ZNF385B: variants seen among roughly 807,000 people sequenced by gnomAD.
The protein encoded by ZNF385B is zinc finger protein 533.
Under a neutral mutation model 39.2 loss-of-function variants are expected in ZNF385B, and 23 were observed. That is an observed-to-expected ratio of 0.59 (90% CI 0.42 to 0.83). The LOEUF (loss-of-function observed/expected upper bound fraction) is 0.83. Ranked by LOEUF, ZNF385B falls within the 40% of genes least tolerant of loss-of-function variation. The pLI, the probability that ZNF385B is intolerant of heterozygous loss-of-function variation, is 0.00. For missense variants in ZNF385B, 552 were observed against 598.9 expected (o/e 0.92, Z 0.82); for synonymous variants, 205 against 222.6 (o/e 0.92, Z 0.70).
chr2:179,839,170 A>G (rs1013833932), intron 1 of ZNF385B, among the ~76,000 whole-genome samples: 4 of 152,194 alleles, frequency 2.6e-5, no homozygotes, highest in Non-Finnish European at 5.9e-5. Flanking sequence ...CCTATCCTTG[A>G]AAGCGTATTT....
At chr2:179,449,222 G>A (rs898383646) in intron 6 of ZNF385B, among the ~76,000 whole-genome samples, 2 of 152,096 alleles carry the variant, frequency 1.3e-5, no homozygotes, top group Non-Finnish European at 2.9e-5. Flanking sequence ...AGGCGTGAGA[G>A]CATAGAGCAG....
chr2:179,855,067 C>T (rs757559661), intron 1 of ZNF385B, among the ~76,000 whole-genome samples: 4 of 151,942 alleles, frequency 2.6e-5, no homozygotes, highest in Non-Finnish European at 4.4e-5. Context: ...CACAGAGCAC[C>T]TCTTTTATTT....
In ZNF385B at chr2:179,850,782, TGAGA is replaced by T. The variant is rs1197320171; in HGVS notation, c.-155+10315_-155+10318del. ...ACTTTCTCGTGCTTATAATAAGGCT[TGAGA>T]GAGAAGTAAAAGTGGGCTAGACCGA... is the stretch of plus-strand genomic sequence containing the variant. On this transcript the variant is annotated intron_variant, in intron 1 of 9. Coordinates refer to ENST00000410066, the MANE Select transcript of ZNF385B (RefSeq NM_152520.6). 1.3e-5 allele frequency among the ~76,000 whole-genome samples: 2 copies of T among 152,098 alleles called. 1 individual carries two copies. The highest frequency in any genetic ancestry group is 6.3e-3 in the Middle Eastern group (2 of 316).
At chr2:179,813,558 A>G (rs1192452349) in intron 1 of ZNF385B, among the ~76,000 whole-genome samples, 2 of 152,216 alleles carry the variant, frequency 1.3e-5, no homozygotes, top group African/African-American at 4.8e-5. Flanking sequence ...GGTAAAGGAT[A>G]AGCAGGGAAA....
At chr2:179,842,002 C>A (rs573375888) in intron 1 of ZNF385B, among the ~76,000 whole-genome samples, 2 of 152,304 alleles carry the variant, frequency 1.3e-5, no homozygotes, top group Non-Finnish European at 2.9e-5. Flanking sequence ...AGCCAGGCTG[C>A]CTACCTTTAA....
intron 1 of ZNF385B, among the ~76,000 whole-genome samples, chr2:179,773,515 T>G (rs1388091161): frequency 6.6e-6 from 1 of 152,154 alleles, no homozygotes; most frequent in Non-Finnish European, 1.5e-5. Context: ...CTCGCTCGAG[T>G]CTCTTCTCAC....
intron 3 of ZNF385B, among the ~76,000 whole-genome samples, chr2:179,566,786 C>T (rs1056114898): frequency 6.6e-6 from 1 of 152,128 alleles, no homozygotes; most frequent in Non-Finnish European, 1.5e-5. Context: ...GCTTCAGTTC[C>T]TTCATCCGAA....
intron 1 of ZNF385B, among the ~76,000 whole-genome samples, chr2:179,793,806 C>T (rs1705488595): frequency 6.6e-6 from 1 of 152,142 alleles, no homozygotes; most frequent in South Asian, 2.1e-4. Flanking sequence ...GAAAAGATAA[C>T]AGAAATACTG....
At chr2:179,819,868 T>C (rs545803200) in intron 1 of ZNF385B, among the ~76,000 whole-genome samples, 1 of 152,318 alleles carries the variant, frequency 6.6e-6, no homozygotes, top group Admixed American at 6.5e-5. Flanking sequence ...TATACGATTG[T>C]ATTATACTTT....
At chr2:179,822,614 C>T (rs529637445) in intron 1 of ZNF385B, among the ~76,000 whole-genome samples, 3 of 152,222 alleles carry the variant, frequency 2.0e-5, no homozygotes, top group Non-Finnish European at 2.9e-5. Flanking sequence ...AAGACCCTCC[C>T]TAGACTTTTG....
At chr2:179,815,915 T>G (rs1281357832) in intron 1 of ZNF385B, among the ~76,000 whole-genome samples, 1 of 152,172 alleles carries the variant, frequency 6.6e-6, no homozygotes, top group Non-Finnish European at 1.5e-5. Context: ...AGGGTCAGTC[T>G]TTGTGCCTCT....
intron 3 of ZNF385B, among the ~76,000 whole-genome samples, chr2:179,755,289 C>T (rs1266425577): frequency 4.6e-5 from 7 of 152,330 alleles, no homozygotes; most frequent in Admixed American, 4.6e-4. Flanking sequence ...GCACTGTGGT[C>T]TGAGAGACAG....
intron 1 of ZNF385B, among the ~76,000 whole-genome samples, chr2:179,829,888 A>C (rs973814150): frequency 8.5e-5 from 13 of 152,256 alleles, no homozygotes; most frequent in Non-Finnish European, 1.5e-4. Context: ...AACTTAACTG[A>C]AATTTAAAAC....
chr2:179,751,881 T>C (rs796968511), intron 3 of ZNF385B, among the ~76,000 whole-genome samples: 2 of 152,120 alleles, frequency 1.3e-5, no homozygotes, highest in Non-Finnish European at 2.9e-5. Flanking sequence ...CTTTAAAATC[T>C]ACTCAAGCTC....
At chr2:179,763,200 G>A (rs1703502856) in intron 3 of ZNF385B, among the ~76,000 whole-genome samples, 1 of 152,072 alleles carries the variant, frequency 6.6e-6, no homozygotes, top group Non-Finnish European at 1.5e-5. Flanking sequence ...TGCCACACCT[G>A]GCCCAGATAG....
At chr2:179,670,611 A>C (rs755279646) in intron 3 of ZNF385B, among the ~76,000 whole-genome samples, 5 of 152,208 alleles carry the variant, frequency 3.3e-5, no homozygotes, top group Non-Finnish European at 5.9e-5. Flanking sequence ...TAACTGGCAA[A>C]AGTTCTGAAA....
chr2:179,640,757 A>G (rs966088151), intron 3 of ZNF385B, among the ~76,000 whole-genome samples: 3 of 152,172 alleles, frequency 2.0e-5, no homozygotes, highest in African/African-American at 7.2e-5. Context: ...GTTTGGTATT[A>G]CACTTGGTTA....
At chr2:179,624,940 G>T (rs1250025157) in intron 3 of ZNF385B, among the ~76,000 whole-genome samples, 1 of 142,942 alleles carries the variant, frequency 7.0e-6, no homozygotes, top group Non-Finnish European at 1.5e-5. Flanking sequence ...TATCTGGGGA[G>T]AATTGTTTGA....
chr2:179,812,141 C>T (rs1706773298), intron 1 of ZNF385B, among the ~76,000 whole-genome samples: 1 of 152,072 alleles, frequency 6.6e-6, no homozygotes, highest in South Asian at 2.1e-4. Context: ...CAAAAACCAA[C>T]AGGTGCAGGC....
Sources: gnomAD v4.1 joint callset for allele counts (sites outside exome capture counted in the v4.1 genomes callset) on GRCh38, gnomAD v4.1.1 for gene constraint, MANE v1.5 for transcripts, NCBI Gene and HGNC (gene_info 2026-07-23, HGNC 2026-07-21) for gene names.